Variants in TMEM214 observed in about 807,000 individuals in gnomAD.
TMEM214 encodes the protein transmembrane protein 214.
A neutral mutation model predicts 89.8 loss-of-function variants in TMEM214; 71 were observed. That is an observed-to-expected ratio of 0.79 (90% CI 0.65 to 0.96). TMEM214 has a LOEUF of 0.96. TMEM214 is among the 40% of genes least tolerant of loss of function. The pLI is 0.00. For synonymous variants in TMEM214, 332 were observed against 349.5 expected (o/e 0.95, Z 0.56); for missense variants, 754 against 843.4 (o/e 0.89, Z 1.31).
rs1235076773 is a variant in TMEM214 at position 27,039,725 on chromosome 2, G to C, written c.1526-16G>C. 1 of 1,612,096 alleles carries C rather than the reference G, an allele frequency of 6.2e-7. No homozygotes were observed. The highest frequency in any genetic ancestry group is 8.5e-7 in the Non-Finnish European group (1 of 1,178,310). On this transcript the variant is annotated splice_polypyrimidine_tract_variant and intron_variant, in intron 13 of 16. Transcript: ENST00000238788. ...CCCTCTCACCTCCCAGCTCACCAGA[G>C]GCCCCCTTTACTTAGCCTCCCTTAC...
At chr2:27,037,982 G>T in intron 9 of TMEM214, 164 bp from the exon 10 acceptor site, 2 of 1,562,990 alleles carry the variant, frequency 1.3e-6, no homozygotes, top group Non-Finnish European at 1.7e-6. Context: ...CTGCTTTACA[G>T]CCTCTCAGAG....
chr2:27,035,496 C>A (rs894603144), intron 3 of TMEM214, 98 bp from the exon 4 acceptor site: 1 of 1,533,606 alleles, frequency 6.5e-7, no homozygotes, highest in African/African-American at 1.4e-5. Flanking sequence ...AGTGCAGGGG[C>A]CTTTGCCTCC....
chr2:27,038,719 A>G lies in TMEM214; in HGVS notation c.1311A>G (p.Gln437=). ...QIPKKVQKSL[Q]ETIQSLKLTN... is the part of the protein sequence containing the mutation. The stretch of plus-strand genomic sequence containing the variant: ...GTCCATAGGTACAGAAGTCTTTGCA[A>G]GAAACCATTCAGTCCCTCAAGCTTA... The change falls in exon 12 of 17, where the codon CAA becomes CAG. Residue 437 remains glutamine (Q), a synonymous_variant. Transcript: ENST00000238788. This position sits in a 1 kb window ranked among gnomAD's most constrained non-coding sequence, Gnocchi z 4.4. 1 of 1,614,160 alleles carries G rather than the reference A, an allele frequency of 6.2e-7. No homozygotes were observed. The highest frequency in any genetic ancestry group is 1.1e-5 in the South Asian group (1 of 91,080).
Position 27,040,495 on chromosome 2 carries a change from A to T in TMEM214, c.1942A>T (p.Arg648Ter), listed in dbSNP as rs1335502597. 1 of 1,613,246 alleles carries T rather than the reference A, an allele frequency of 6.2e-7. No homozygotes were observed. The highest frequency in any genetic ancestry group is 1.7e-5 in the Admixed American group (1 of 60,006). Residue 648 changes from arginine (R) to a stop codon, truncating the protein, a stop_gained and splice_region_variant, in exon 16 of 17, where the codon AGA becomes TGA. Coordinates refer to ENST00000238788, the MANE Select transcript of TMEM214 (RefSeq NM_017727.5). LOFTEE classifies it high-confidence loss of function. ...WAQEHCHEAC[R>*]GEVTWDCMKT... ...CCAGGAGCACTGCCATGAGGCATGC[A>T]GGTGAGACCTTTGCCCAGGGCTCCG...
rs749433367 is a variant in TMEM214, at chr2:27,039,143, C to T, written c.1504C>T (p.Arg502Trp). Residue 502 changes from arginine to tryptophan, a missense_variant, in exon 13 of 17, where the codon CGG becomes TGG. Transcript: ENST00000238788. Reference sequence around the variant, plus strand: ...TGTAGGCTTCCTGTGCCATGACCTCCGGTCACACAGCTCCTTCCAGGGTAA... The same window carrying T: ...TGTAGGCTTCCTGTGCCATGACCTCTGGTCACACAGCTCCTTCCAGGGTAA... ...FAVGFLCHDL[R>W]SHSSFQASLT... The T allele has an allele frequency of 2.9e-5, 46 of 1,613,604 alleles. No individual in the cohort carries two copies. The highest frequency in any genetic ancestry group is 1.6e-4 in the Middle Eastern group (1 of 6,084).
chr2:27,038,231 A>G lies in TMEM214; in HGVS notation c.1238A>G (p.Gln413Arg). ...CAGCTGTACCCTAAGCACCTGTCAC[A>G]GTCCAGGCAGGTGGGGTGGGAGGCC... The part of the protein sequence containing the change: ...WRQLYPKHLS[Q>R]SSLLLEHLLS... The change falls in exon 10 of 17, where the codon CAG becomes CGG. Residue 413 changes from glutamine to arginine, a missense_variant. Coordinates refer to ENST00000238788, the MANE Select transcript of TMEM214 (RefSeq NM_017727.5). This position sits in a 1 kb window ranked among gnomAD's most constrained non-coding sequence, Gnocchi z 4.4. 1.2e-6 allele frequency: 2 copies of G among 1,613,414 alleles called. No individual in the cohort carries two copies. Among genetic ancestry groups the G allele is most frequent in the South Asian group, 1.1e-5 (1 of 91,078 alleles).
intron 16 of TMEM214, 46 bp from the exon 17 acceptor site, chr2:27,040,665 A>C (rs748279285): frequency 3.1e-6 from 5 of 1,605,190 alleles, no homozygotes; most frequent in Non-Finnish European, 4.3e-6. Flanking sequence ...GAAAGTTGAC[A>C]CAGCTACTCA....
At chr2:27,039,232 C>G in intron 13 of TMEM214, 68 bp downstream of exon 13, 1 of 1,316,524 alleles carries the variant, frequency 7.6e-7, no homozygotes, top group African/African-American at 1.4e-5. Context: ...AGCACCACCA[C>G]CCCGCCCCCA....
chr2:27,038,021 C>T lies in TMEM214; in HGVS notation c.1153-125C>T. 6.2e-7 allele frequency: 1 copy of T among 1,602,872 alleles called. No individual in the cohort carries two copies. Among genetic ancestry groups the T allele is most frequent in the Non-Finnish European group, 8.5e-7 (1 of 1,175,556 alleles). The stretch of plus-strand genomic sequence containing the variant: ...TTTCTGGAGTCTTGACACTGTTTCT[C>T]CACCCCTTAGGGTGGATGTGCGGCC... On this transcript the variant is annotated intron_variant, in intron 9 of 16. Coordinates refer to ENST00000238788, the MANE Select transcript of TMEM214 (RefSeq NM_017727.5). The surrounding 1 kb of genome is among the most constrained non-coding windows in gnomAD (Gnocchi z 4.4).
In TMEM214 at chr2:27,034,205, C is replaced by G; in HGVS notation, c.290C>G (p.Thr97Ser). The change falls in exon 2 of 17, where the codon ACT becomes AGT. Residue 97 changes from threonine (T) to serine (S), a missense_variant. Transcript: ENST00000238788. ...AAGAAGCAGCCAAAGAAGGTGGCAACTCCTCCCAACCAAAACCAGAAGCAG... is the reference window on the plus strand; with the variant it reads ...AAGAAGCAGCCAAAGAAGGTGGCAAGTCCTCCCAACCAAAACCAGAAGCAG... ...GNKKQPKKVA[T>S]PPNQNQKQGR... The G allele has an allele frequency of 6.2e-7, 1 of 1,614,188 alleles. No homozygotes were observed. The highest frequency in any genetic ancestry group is 1.1e-5 in the South Asian group (1 of 91,086).
At position 27,038,220 on chromosome 2, in the gene TMEM214, G is replaced by A. The variant is rs1410810367; in HGVS notation, c.1227G>A (p.Lys409=). The A allele has an allele frequency of 2.5e-6, 4 of 1,613,974 alleles. No individual in the cohort carries two copies. The African/African-American group carries it at 4.0e-5, about 16-fold the overall frequency. The change falls in exon 10 of 17, where the codon AAG becomes AAA. Residue 409 remains lysine (K), a synonymous_variant. Coordinates refer to ENST00000238788, the MANE Select transcript of TMEM214 (RefSeq NM_017727.5). The surrounding 1 kb of genome is among the most constrained non-coding windows in gnomAD (Gnocchi z 4.4). ...GCGTCTGGAGGCAGCTGTACCCTAA[G>A]CACCTGTCACAGTCCAGGCAGGTGG... The part of the protein sequence containing the change: ...SASVWRQLYP[K]HLSQSSLLLE...
chr2:27,038,729 C>G lies in TMEM214; in HGVS notation c.1321C>G (p.Gln441Glu). Residue 441 changes from glutamine to glutamate, a missense_variant, in exon 12 of 17, where the codon CAG (glutamine) becomes GAG (glutamate). Physicochemically the swap from Gln to Glu is conservative, Grantham distance 29. Coordinates refer to ENST00000238788, the MANE Select transcript of TMEM214 (RefSeq NM_017727.5). The surrounding 1 kb of genome is among the most constrained non-coding windows in gnomAD (Gnocchi z 4.4). ...ACAGAAGTCTTTGCAAGAAACCATTCAGTCCCTCAAGCTTACCAACCAGGA... is the reference window on the plus strand; with the variant it reads ...ACAGAAGTCTTTGCAAGAAACCATTGAGTCCCTCAAGCTTACCAACCAGGA... The part of the protein sequence containing the change: ...KVQKSLQETI[Q>E]SLKLTNQELL... 1.9e-6 allele frequency: 3 copies of G among 1,614,160 alleles called. No homozygotes were observed. In the Middle Eastern group the frequency reaches 4.9e-4, roughly 266 times the overall value.
Position 27,039,801 on chromosome 2 carries a change from G to A in TMEM214, c.1586G>A (p.Cys529Tyr), listed in dbSNP as rs559816924. ...SGFLPASQQA[C>Y]AKLYSYSLQG... ...TTCTTACCTGCTAGCCAACAAGCGTGTGCCAAGCTCTACTCCTACAGTCTG... is the reference window on the plus strand; with the variant it reads ...TTCTTACCTGCTAGCCAACAAGCGTATGCCAAGCTCTACTCCTACAGTCTG... The change falls in exon 14 of 17, where the codon TGT becomes TAT. Residue 529 changes from cysteine (C) to tyrosine (Y), a missense_variant. Cys to Tyr is a radical substitution (Grantham distance 194). Transcript: ENST00000238788. 6.2e-7 allele frequency: 1 copy of A among 1,614,228 alleles called. No individual in the cohort carries two copies.
chr2:27,036,057 GCT>G lies in TMEM214; in HGVS notation c.720+9_720+10del. ...GCCACGGCAAACCTAGGCAAGGTGA[GCT>G]CTCAGTGATGGTGGGGATGCTAGGA... On this transcript the variant is annotated splice_donor_region_variant and intron_variant, in intron 5 of 16. Transcript: ENST00000238788. The G allele has an allele frequency of 6.2e-7, 1 of 1,614,020 alleles. No individual in the cohort carries two copies. The highest frequency in any genetic ancestry group is 8.5e-7 in the Non-Finnish European group (1 of 1,179,912).
Position 27,036,570 on chromosome 2 carries a change from C to T in TMEM214, c.804C>T (p.Ala268=), listed in dbSNP as rs767214267. The change falls in exon 6 of 17, where the codon GCC becomes GCT. Residue 268 remains alanine (A), a synonymous_variant. Transcript: ENST00000238788. ...GGGCCCTGGGTCAAGCAGGTTTTGC[C>T]AACCTCACCGAGGGACTGAAAGGTA... is the stretch of plus-strand genomic sequence containing the variant. ...IMWALGQAGF[A]NLTEGLKVWL... The T allele has an allele frequency of 1.2e-6, 2 of 1,614,164 alleles. No individual in the cohort carries two copies. The highest frequency in any genetic ancestry group is 1.7e-6 in the Non-Finnish European group (2 of 1,180,006).
chr2:27,035,836 A>G (rs2148241735), intron 4 of TMEM214, 108 bp downstream of exon 4: 1 of 1,588,456 alleles, frequency 6.3e-7, no homozygotes, highest in Non-Finnish European at 8.6e-7. Flanking sequence ...TGCTAACCTT[A>G]ACACTTTTTG....
Position 27,040,996 on chromosome 2 carries a change from G to A in TMEM214, c.*159G>A. The A allele has an allele frequency of 1.2e-6, 1 of 851,148 alleles. No individual in the cohort carries two copies. Among genetic ancestry groups the A allele is most frequent in the Non-Finnish European group, 1.8e-6 (1 of 557,738 alleles). The allele number at this position is 851,148 out of a possible 1,614,324, so 52.7% of individuals were successfully genotyped here. A position where few individuals can be genotyped will look rare whatever the true frequency, so the allele number is the denominator to read the frequency against. On this transcript the variant is annotated 3_prime_UTR_variant, in exon 17 of 17. Coordinates refer to ENST00000238788, the MANE Select transcript of TMEM214 (RefSeq NM_017727.5). ...CTCCACCTCAGTTCTTCCATCTTTGGTGGGGACAGGGCCCAGCAGCATCTC... is the reference window on the plus strand; with the variant it reads ...CTCCACCTCAGTTCTTCCATCTTTGATGGGGACAGGGCCCAGCAGCATCTC...
chr2:27,033,732 G>A (rs868797729), intron 1 of TMEM214, among the ~76,000 whole-genome samples: 4 of 152,170 alleles, frequency 2.6e-5, no homozygotes, highest in Non-Finnish European at 4.4e-5. Flanking sequence ...GTAGGACCAA[G>A]ATGGAAAAAG....
At position 27,041,635 on chromosome 2, in the gene TMEM214, A is replaced by G. The variant is rs890336018; in HGVS notation, c.*798A>G. The G allele has an allele frequency of 1.3e-5, 2 of 153,802 alleles. No individual in the cohort carries two copies. The highest frequency in any genetic ancestry group is 2.1e-4 in the South Asian group (1 of 4,836). The allele number at this position is 153,802 out of a possible 1,614,324, so 9.5% of individuals were successfully genotyped here. Reference sequence around the variant, plus strand: ...CCTCCATCAACCTGAGACAGGACTCAGTATATGGTTCTTGGGTATGCCCTA... The same window carrying G: ...CCTCCATCAACCTGAGACAGGACTCGGTATATGGTTCTTGGGTATGCCCTA... On this transcript the variant is annotated 3_prime_UTR_variant, in exon 17 of 17. Transcript: ENST00000238788.
Sources: gnomAD v4.1 joint callset for allele counts (sites outside exome capture counted in the v4.1 genomes callset) on GRCh38, gnomAD v4.1.1 for gene constraint, Gnocchi (gnomAD v3.1) non-coding constraint, MANE v1.5 for transcripts, NCBI Gene and HGNC (gene_info 2026-07-23, HGNC 2026-07-21) for gene names.